The following ARHGEF2 variants were observed in gnomAD, a reference collection of about 807,000 sequenced individuals.
The protein encoded by ARHGEF2 is rho guanine nucleotide exchange factor 2.
ARHGEF2 carries 22 observed loss-of-function variants against 121.0 expected under a neutral mutation model. That is an observed-to-expected ratio of 0.18 (90% CI 0.13 to 0.26). The LOEUF is 0.26. Among genes scored for constraint, ARHGEF2 ranks in the 10% least tolerant of loss-of-function variants. ARHGEF2 has a pLI of 1.00. For missense variants in ARHGEF2, 907 were observed against 1,336.0 expected, an observed-to-expected ratio of 0.68 and a Z score of 5.01; for synonymous variants, 487 against 530.0, an observed-to-expected ratio of 0.92 and a Z score of 1.11.
chr1:155,975,675 CT>C (rs1475527986), intron 1 of ARHGEF2, among the ~76,000 whole-genome samples: 2 of 152,196 alleles, frequency 1.3e-5, no homozygotes, highest in African/African-American at 4.8e-5. Context: ...CCAGCCACCT[CT>C]CCATTCCTCA....
At position 155,952,125 on chromosome 1, in the gene ARHGEF2, C is replaced by T. The variant is rs201934543; in HGVS notation, c.2095G>A (p.Val699Ile). 3 of 1,614,160 alleles carry T rather than the reference C, an allele frequency of 1.9e-6. No homozygotes were observed. Among genetic ancestry groups the T allele is most frequent in the East Asian group, 2.2e-5 (1 of 44,866 alleles). The change falls in exon 16 of 22, where the codon GTC becomes ATC. Residue 699 changes from valine (V) to isoleucine (I), a missense_variant. Physicochemically the swap from Val to Ile is conservative, Grantham distance 29. Transcript: ENST00000361247. ...PDSGGNTSPGVTANGEARTFN... is the reference protein window; with the variant it reads ...PDSGGNTSPGITANGEARTFN... ...CTGCCCTGGTACTCACTGGCAGTGA[C>T]CCCAGGACTCGTGTTACCACCGCTG...
Position 155,950,458 on chromosome 1 carries a change from C to T in ARHGEF2, c.2728G>A (p.Asp910Asn), listed in dbSNP as rs1288768310. The T allele has an allele frequency of 6.2e-7, 1 of 1,613,898 alleles. No homozygotes were observed. Among genetic ancestry groups the T allele is most frequent in the Non-Finnish European group, 8.5e-7 (1 of 1,180,030 alleles). Residue 910 changes from aspartate to asparagine, a missense_variant, in exon 21 of 22, where the codon GAT becomes AAT. Transcript: ENST00000361247. This position sits in a 1 kb window ranked among gnomAD's most constrained non-coding sequence, Gnocchi z 5.2. ...ACAGAGCGAGTAGTGACAGGTAGAT[C>T]CAGGCGGTCAGTGCCTCGGCTGGGC... ...PQPSRGTDRL[D>N]LPVTTRSVHR...
intron 7 of ARHGEF2, 121 bp from the exon 8 acceptor site, chr1:155,963,304 G>A: frequency 1.2e-6 from 1 of 846,836 alleles, no homozygotes; most frequent in Non-Finnish European, 1.8e-6. Flanking sequence ...TTAATATTCT[G>A]CATTATTATG....
chr1:155,978,972 C>A (rs997791334), upstream of ARHGEF2: 2 of 985,650 alleles, frequency 2.0e-6, no homozygotes, highest in Admixed American at 6.1e-5. This position sits in a 1 kb window ranked among gnomAD's most constrained non-coding sequence, Gnocchi z 4.1. Flanking sequence ...CTTAGAAAAC[C>A]CAGGACCAGT....
chr1:155,951,277 G>A lies in ARHGEF2; in HGVS notation c.2260-5C>T, dbSNP rs1478559296. The A allele has an allele frequency of 6.3e-7, 1 of 1,596,904 alleles. No homozygotes were observed. The highest frequency in any genetic ancestry group is 8.6e-7 in the Non-Finnish European group (1 of 1,169,516). On this transcript the variant is annotated splice_region_variant and splice_polypyrimidine_tract_variant and intron_variant, in intron 19 of 21. Transcript: ENST00000361247. The surrounding 1 kb of genome is among the most constrained non-coding windows in gnomAD (Gnocchi z 5.1). ...GTCCTGCTGGGCCACAGCTGCCTGG[G>A]AGTAGAATGCAGGCAGAAGGGTTTA...
chr1:155,972,243 C>T (rs1337533861), intron 1 of ARHGEF2: 1 of 467,868 alleles, frequency 2.1e-6, no homozygotes, highest in Non-Finnish European at 4.4e-6. Context: ...TCCTCCACCT[C>T]CCAACACTCA....
At chr1:155,976,668 T>C (rs1191972146) in intron 1 of ARHGEF2, among the ~76,000 whole-genome samples, 1 of 116,652 alleles carries the variant, frequency 8.6e-6, no homozygotes. Flanking sequence ...CCCATGGCTT[T>C]CCTTTTTAGG....
At position 155,952,168 on chromosome 1, in the gene ARHGEF2, G is replaced by C. The variant is rs1183751687; in HGVS notation, c.2052C>G (p.Ala684=). 3.1e-6 allele frequency: 5 copies of C among 1,614,176 alleles called. No homozygotes were observed. The South Asian group carries it at 5.5e-5, about 18-fold the overall frequency. The change falls in exon 16 of 22, where the codon GCC becomes GCG. Residue 684 remains alanine, a synonymous_variant. Transcript: ENST00000361247. ...VELLLTPREP[A]LPLEPDSGGN... ...CACCGCTGTCTGGTTCCAAGGGCAG[G>C]GCTGGCTCTCGGGGTGTCAAGAGCA...
At chr1:155,953,980 G>T (rs56910439) in intron 14 of ARHGEF2, among the ~76,000 whole-genome samples, 7,498 of 151,584 alleles carry the variant, frequency 0.049, 638 homozygotes, top group African/African-American at 0.17. Context: ...CCTTGTTGGG[G>T]TTTTTTTTGT....
Position 155,965,723 on chromosome 1 carries a change from G to T in ARHGEF2, c.378C>A (p.Pro126=), listed in dbSNP as rs759651587. Reference sequence around the variant, plus strand: ...GGAGGGACTGCCGGAAGCTGTCGGAGGGGTAGATGGCCGAGCTTGGCCGCT... The same window carrying T: ...GGAGGGACTGCCGGAAGCTGTCGGATGGGTAGATGGCCGAGCTTGGCCGCT... ...IRERPSSAIY[P]SDSFRQSLLG... Residue 126 remains proline, a synonymous_variant, in exon 5 of 22, where the codon CCC becomes CCA. Transcript: ENST00000361247. The surrounding 1 kb of genome is among the most constrained non-coding windows in gnomAD (Gnocchi z 6.0). The T allele has an allele frequency of 3.7e-6, 6 of 1,603,656 alleles. No homozygotes were observed. The South Asian group carries it at 6.7e-5, about 18-fold the overall frequency.
intron 14 of ARHGEF2, among the ~76,000 whole-genome samples, chr1:155,953,975 T>C (rs967750839): frequency 7.9e-5 from 12 of 152,004 alleles, no homozygotes; most frequent in African/African-American, 2.4e-4. Context: ...TTCTACCTTG[T>C]TGGGGTTTTT....
intron 21 of ARHGEF2, among the ~76,000 whole-genome samples, chr1:155,948,564 G>C (rs1197557074): frequency 6.6e-6 from 1 of 152,130 alleles, no homozygotes; most frequent in African/African-American, 2.4e-5. Flanking sequence ...TTGGGAGGTG[G>C]AAGTTGCAGT....
intron 1 of ARHGEF2, among the ~76,000 whole-genome samples, chr1:155,972,997 G>A (rs528783563): frequency 2.6e-5 from 4 of 152,012 alleles, no homozygotes; most frequent in South Asian, 2.1e-4. Context: ...GAGCCACCAC[G>A]CTCAGACCTA....
At position 155,962,665 on chromosome 1, in the gene ARHGEF2, G is replaced by A. The variant is rs1200187411; in HGVS notation, c.1029C>T (p.Ser343=). 5 of 1,614,140 alleles carry A rather than the reference G, an allele frequency of 3.1e-6. No individual in the cohort carries two copies. Among genetic ancestry groups the A allele is most frequent in the South Asian group, 2.2e-5 (2 of 91,088 alleles). The change falls in exon 9 of 22, where the codon AGC becomes AGT. Residue 343 remains serine, a synonymous_variant. Transcript: ENST00000361247. The surrounding 1 kb of genome is among the most constrained non-coding windows in gnomAD (Gnocchi z 5.8). The stretch of plus-strand genomic sequence containing the variant: ...AGAGCTTTAAGGCCTTGCTGTGGCG[G>A]CTGCAGAACTCCGAGTAGGTCTTAC... ...QMCKTYSEFC[S]RHSKALKLYK...
At chr1:155,952,511 T>C (rs1350259589) in intron 15 of ARHGEF2, 117 bp downstream of exon 15, 2 of 1,239,454 alleles carry the variant, frequency 1.6e-6, no homozygotes, top group African/African-American at 3.0e-5. Context: ...CTCAGGGCCG[T>C]TTATGGTTTA....
intron 14 of ARHGEF2, 44 bp from the exon 15 acceptor site, chr1:155,952,872 A>T: frequency 6.2e-7 from 1 of 1,600,870 alleles, no homozygotes; most frequent in South Asian, 1.1e-5. Flanking sequence ...ACGTAGGGGT[A>T]TGCAAGAGCG....
chr1:155,949,605 G>A (rs986106362), intron 21 of ARHGEF2, among the ~76,000 whole-genome samples: 13 of 151,930 alleles, frequency 8.6e-5, no homozygotes, highest in African/African-American at 2.4e-4. Flanking sequence ...TTAGCCAGGC[G>A]TGGTGGCTCA....
intron 3 of ARHGEF2, 87 bp downstream of exon 3, chr1:155,966,733 C>T: frequency 7.1e-7 from 1 of 1,401,866 alleles, no homozygotes; most frequent in Middle Eastern, 1.8e-4. Flanking sequence ...GTGAGAAACA[C>T]AGGGTAGGGA....
chr1:155,955,279 C>T (rs1163722598), intron 13 of ARHGEF2, among the ~76,000 whole-genome samples: 1 of 152,082 alleles, frequency 6.6e-6, no homozygotes, highest in Non-Finnish European at 1.5e-5. Context: ...CACGCACCAC[C>T]ATGCCTGGCT....
Sources: gnomAD v4.1 joint callset for allele counts (sites outside exome capture counted in the v4.1 genomes callset) on GRCh38, gnomAD v4.1.1 for gene constraint, Gnocchi (gnomAD v3.1) non-coding constraint, MANE v1.5 for transcripts, NCBI Gene and HGNC (gene_info 2026-07-23, HGNC 2026-07-21) for gene names.